Variants in CUL5 observed in about 807,000 individuals in gnomAD.
CUL5 encodes cullin-5.
Under a neutral mutation model 108.8 loss-of-function variants are expected in CUL5, and 26 were observed. That is an observed-to-expected ratio of 0.24 (90% CI 0.18 to 0.33). CUL5 has a LOEUF of 0.33. CUL5 is among the 10% of genes least tolerant of loss of function. CUL5 has a pLI of 1.00. For missense variants in CUL5, 524 were observed against 909.2 expected, an observed-to-expected ratio of 0.58 and a Z score of 5.45; for synonymous variants, 334 against 298.0, an observed-to-expected ratio of 1.12 and a Z score of -1.25.
intron 2 of CUL5, among the ~76,000 whole-genome samples, chr11:108,034,802 C>G (rs899186627): frequency 1.1e-4 from 16 of 152,144 alleles, no homozygotes; most frequent in Non-Finnish European, 1.5e-5. Flanking sequence ...TCATCCAGAC[C>G]TGCATGAGGG....
chr11:108,079,403 G>T (rs995335180), intron 11 of CUL5, among the ~76,000 whole-genome samples: 2 of 152,166 alleles, frequency 1.3e-5, no homozygotes, highest in Admixed American at 6.5e-5. Flanking sequence ...ACCGCACCCA[G>T]TCCCAAGCAT....
intron 16 of CUL5, among the ~76,000 whole-genome samples, chr11:108,096,805 A>G (rs1431078659): frequency 1.3e-5 from 2 of 151,850 alleles, no homozygotes; most frequent in Admixed American, 1.3e-4. Flanking sequence ...ACCTCAGGTA[A>G]TTTGCCCGCC....
rs1412206144 is a variant in CUL5 at position 108,104,513 on chromosome 11, T to C, written c.*129T>C. The stretch of plus-strand genomic sequence containing the variant: ...TAAATATTAAAATCTCTGCCTTACC[T>C]TACAAAAACAACTATATTTTGCCAA... On this transcript the variant is annotated 3_prime_UTR_variant, in exon 19 of 19. Coordinates refer to ENST00000393094, the MANE Select transcript of CUL5 (RefSeq NM_003478.6). The C allele has an allele frequency of 1.7e-6, 1 of 587,056 alleles. No homozygotes were observed. Among genetic ancestry groups the C allele is most frequent in the Non-Finnish European group, 2.9e-6 (1 of 346,114 alleles). 36.4% of individuals were successfully genotyped at this position (587,056 alleles called of 1,614,324 possible).
At chr11:108,043,400 C>A (rs990597915) in intron 2 of CUL5, among the ~76,000 whole-genome samples, 1 of 152,092 alleles carries the variant, frequency 6.6e-6, no homozygotes, top group African/African-American at 2.4e-5. Flanking sequence ...ACTCTAGATT[C>A]TTTTAGTCAT....
At chr11:108,046,957 T>A (rs1299100024) in intron 3 of CUL5, among the ~76,000 whole-genome samples, 1 of 152,190 alleles carries the variant, frequency 6.6e-6, no homozygotes, top group East Asian at 1.9e-4. Context: ...ACGGCCTCTC[T>A]TATGAATAAA....
At chr11:108,027,473 T>C (rs577391506) in intron 1 of CUL5, among the ~76,000 whole-genome samples, 3 of 152,204 alleles carry the variant, frequency 2.0e-5, no homozygotes, top group African/African-American at 7.2e-5. Flanking sequence ...GGTTTCACCA[T>C]GTAGGTCAGG....
intron 7 of CUL5, among the ~76,000 whole-genome samples, chr11:108,064,212 T>G (rs764290049): frequency 1.3e-5 from 2 of 152,210 alleles, no homozygotes; most frequent in Non-Finnish European, 2.9e-5. Context: ...ATACCCAGTG[T>G]TTTGATGGTT....
intron 2 of CUL5, among the ~76,000 whole-genome samples, chr11:108,043,334 A>C (rs1862982637): frequency 6.6e-6 from 1 of 152,220 alleles, no homozygotes; most frequent in Non-Finnish European, 1.5e-5. Flanking sequence ...TTGGCCTCCA[A>C]GAGTGCTAGG....
chr11:108,091,367 TA>T (rs35939930), intron 13 of CUL5, among the ~76,000 whole-genome samples: 3 of 149,056 alleles, frequency 2.0e-5, no homozygotes, highest in South Asian at 2.1e-4. Flanking sequence ...ATTTCTTTGT[TA>T]AAAAAAAAAT....
intron 3 of CUL5, among the ~76,000 whole-genome samples, chr11:108,048,648 CTTTTTTTTTT>C (rs200991204): frequency 7.7e-5 from 9 of 116,868 alleles, no homozygotes; most frequent in South Asian, 2.7e-4. Flanking sequence ...ACTCCACCAC[CTTTTTTTTTT>C]TTTTTTTTTT....
chr11:108,018,791 C>A (rs1342778219), intron 1 of CUL5, among the ~76,000 whole-genome samples: 1 of 152,112 alleles, frequency 6.6e-6, no homozygotes, highest in East Asian at 1.9e-4. Flanking sequence ...TATGAATCCC[C>A]TATAGATGCA....
At chr11:108,078,726 G>A (rs948411902) in intron 11 of CUL5, among the ~76,000 whole-genome samples, 1 of 151,958 alleles carries the variant, frequency 6.6e-6, no homozygotes, top group Non-Finnish European at 1.5e-5. Context: ...TAGCAATAAA[G>A]GTTAGTTAAA....
intron 1 of CUL5, among the ~76,000 whole-genome samples, chr11:108,012,605 T>A (rs1862082867): frequency 6.6e-6 from 1 of 151,862 alleles, no homozygotes; most frequent in African/African-American, 2.4e-5. Context: ...AAACTTTTCT[T>A]TTTTTTGGAG....
intron 1 of CUL5, among the ~76,000 whole-genome samples, chr11:108,011,418 A>G (rs186650158): frequency 1.3e-5 from 2 of 152,356 alleles, no homozygotes; most frequent in East Asian, 1.9e-4. Flanking sequence ...CTGCCTGAAT[A>G]TACAGAAAAC....
intron 7 of CUL5, among the ~76,000 whole-genome samples, chr11:108,056,095 C>CA (rs1384113479): frequency 2.0e-5 from 3 of 152,046 alleles, no homozygotes; most frequent in Non-Finnish European, 4.4e-5. Flanking sequence ...TATTAAAAAA[C>CA]AAAAAACTAG....
chr11:108,090,697 T>C (rs1043927419), intron 13 of CUL5, among the ~76,000 whole-genome samples: 14 of 152,146 alleles, frequency 9.2e-5, no homozygotes, highest in African/African-American at 3.1e-4. Context: ...TTTGAGTTCT[T>C]TTTTTGTTTT....
chr11:108,036,792 A>G (rs1389563975), intron 2 of CUL5, among the ~76,000 whole-genome samples: 1 of 152,134 alleles, frequency 6.6e-6, no homozygotes, highest in African/African-American at 2.4e-5. Context: ...CTTATTCCTT[A>G]TTTTAAATTT....
At chr11:108,035,955 T>C (rs971865214) in intron 2 of CUL5, among the ~76,000 whole-genome samples, 1 of 152,158 alleles carries the variant, frequency 6.6e-6, no homozygotes, top group Non-Finnish European at 1.5e-5. Flanking sequence ...AAAGCCAAGA[T>C]ACTGCAGGCT....
chr11:108,055,643 T>A (rs1863357065), intron 7 of CUL5, among the ~76,000 whole-genome samples: 1 of 151,362 alleles, frequency 6.6e-6, no homozygotes, highest in African/African-American at 2.4e-5. Context: ...TTTATCTTTT[T>A]TTTTTGAGAC....
Sources: gnomAD v4.1 joint callset for allele counts (sites outside exome capture counted in the v4.1 genomes callset) on GRCh38, gnomAD v4.1.1 for gene constraint, MANE v1.5 for transcripts, NCBI Gene and HGNC (gene_info 2026-07-23, HGNC 2026-07-21) for gene names.